Variants in PLCB1 observed in about 807,000 individuals in gnomAD.
PLCB1 encodes the protein 1-phosphatidylinositol 4,5-bisphosphate phosphodiesterase beta-1.
PLCB1 carries 46 observed loss-of-function variants against 161.8 expected under a neutral mutation model. The observed-to-expected ratio is 0.28, with a 90% CI of 0.22 to 0.36. The LOEUF (loss-of-function observed/expected upper bound fraction) is 0.36, where lower values mean the gene tolerates loss of function less well. Among genes scored for constraint, PLCB1 ranks in the 10% least tolerant of loss-of-function variants. The pLI is 1.00. For missense variants in PLCB1, 1,016 were observed against 1,472.5 expected, an observed-to-expected ratio of 0.69 and a Z score of 5.07; for synonymous variants, 517 against 503.7, an observed-to-expected ratio of 1.03 and a Z score of -0.35.
chr20:8,697,041 A>AT (rs11385299), intron 10 of PLCB1, among the ~76,000 whole-genome samples: 12,184 of 151,666 alleles, frequency 0.08, 595 homozygotes, highest in African/African-American at 0.13. Flanking sequence ...CCTTAAATTT[A>AT]TTTTTTTTTA....
intron 2 of PLCB1, among the ~76,000 whole-genome samples, chr20:8,184,769 T>TTTA (rs57793768): frequency 0.22 from 31,419 of 141,426 alleles, 3,603 homozygotes; most frequent in Non-Finnish European, 0.25. Flanking sequence ...TGGCAATACC[T>TTTA]TTATTATTAT....
At chr20:8,486,875 A>G (rs577093916) in intron 3 of PLCB1, among the ~76,000 whole-genome samples, 8 of 152,158 alleles carry the variant, frequency 5.3e-5, no homozygotes, top group Non-Finnish European at 1.2e-4. Flanking sequence ...GACATTATCT[A>G]TCAAAGAGGC....
chr20:8,158,717 G>A (rs1052328302), intron 2 of PLCB1, among the ~76,000 whole-genome samples: 13 of 152,160 alleles, frequency 8.5e-5, no homozygotes, highest in African/African-American at 3.1e-4. Context: ...GGTAAATAGA[G>A]CCATTCCAAA....
At position 8,145,152 on chromosome 20, in the gene PLCB1, G is replaced by T. The variant is rs537697343; in HGVS notation, c.100-5142G>T. ...GAGGAAGTGGGAGATAAAGGTGTCA[G>T]CAGGGTTGCTTCCTGCTGAGGGCCG... On this transcript the variant is annotated intron_variant, in intron 1 of 31. Coordinates refer to ENST00000338037, the MANE Select transcript of PLCB1 (RefSeq NM_015192.4). Among the ~76,000 whole-genome samples, 3 of 152,300 alleles carry T rather than the reference G, an allele frequency of 2.0e-5. No individual in the cohort carries two copies. In the East Asian group the frequency reaches 5.8e-4, roughly 29 times the overall value.
chr20:8,414,140 CAA>C (rs60727694), intron 3 of PLCB1, among the ~76,000 whole-genome samples: 1 of 141,586 alleles, frequency 7.1e-6, no homozygotes. Context: ...ACTATCAAGA[CAA>C]AAAAAAAAGA....
intron 3 of PLCB1, among the ~76,000 whole-genome samples, chr20:8,436,154 G>A (rs1301562403): frequency 6.6e-6 from 1 of 152,028 alleles, no homozygotes; most frequent in Non-Finnish European, 1.5e-5. Context: ...GCCTGGCCAT[G>A]ACGAAACCTG....
intron 1 of PLCB1, among the ~76,000 whole-genome samples, chr20:8,150,071 T>C (rs2051494422): frequency 6.6e-6 from 1 of 152,112 alleles, no homozygotes; most frequent in South Asian, 2.1e-4. Flanking sequence ...TGCTTTTTCC[T>C]TTACAAGTTA....
chr20:8,278,405 G>T (rs1407658610), intron 2 of PLCB1, among the ~76,000 whole-genome samples: 1 of 144,510 alleles, frequency 6.9e-6, no homozygotes, highest in Non-Finnish European at 1.5e-5. Flanking sequence ...AAACAACTTT[G>T]CAGACACACA....
At chr20:8,630,223 A>G (rs1350248587) in intron 4 of PLCB1, among the ~76,000 whole-genome samples, 4 of 151,632 alleles carry the variant, frequency 2.6e-5, no homozygotes, top group African/African-American at 9.7e-5. Context: ...AATAGCTGGG[A>G]CTACAGGCGC....
chr20:8,741,408 G>A lies in PLCB1; in HGVS notation c.2414-56G>A. 9 of 1,201,090 alleles carry A rather than the reference G, an allele frequency of 7.5e-6. No individual in the cohort carries two copies. The South Asian group carries it at 1.0e-4, about 13-fold the overall frequency. The allele number at this position is 1,201,090 out of a possible 1,614,324, so 74.4% of individuals were successfully genotyped here. A position where few individuals can be genotyped will look rare whatever the true frequency, so the allele number is the denominator to read the frequency against. ...CAGATAGATGAGTAAGTAGATGAAT[G>A]ATGGATAATCAATACTTCCAGGACC... On this transcript the variant is annotated intron_variant, in intron 22 of 31. Coordinates refer to ENST00000338037, the MANE Select transcript of PLCB1 (RefSeq NM_015192.4).
chr20:8,736,425 G>A (rs936499827), intron 19 of PLCB1, among the ~76,000 whole-genome samples: 2 of 152,104 alleles, frequency 1.3e-5, no homozygotes, highest in African/African-American at 4.8e-5. Context: ...GTGAATACTT[G>A]TTCATTTATT....
chr20:8,682,956 T>G (rs1363434998), intron 9 of PLCB1, among the ~76,000 whole-genome samples: 1 of 152,112 alleles, frequency 6.6e-6, no homozygotes, highest in Non-Finnish European at 1.5e-5. Context: ...GCAATGTCAT[T>G]TATACTAGTG....
intron 22 of PLCB1, among the ~76,000 whole-genome samples, chr20:8,741,225 C>G (rs889069715): frequency 6.6e-6 from 1 of 152,188 alleles, no homozygotes; most frequent in African/African-American, 2.4e-5. Context: ...GAAGTTTCAA[C>G]AGAGTCCTAA....
At chr20:8,518,134 A>T (rs897563215) in intron 3 of PLCB1, among the ~76,000 whole-genome samples, 27 of 152,020 alleles carry the variant, frequency 1.8e-4, no homozygotes, top group African/African-American at 6.3e-4. Flanking sequence ...GTGAGCCAAG[A>T]TCGCACCACT....
At chr20:8,299,531 G>A (rs116038998) in intron 2 of PLCB1, among the ~76,000 whole-genome samples, 180 of 152,146 alleles carry the variant, frequency 1.2e-3, no homozygotes, top group African/African-American at 3.5e-3. Flanking sequence ...CCAAATTCAC[G>A]TCACTGTTTC....
intron 1 of PLCB1, among the ~76,000 whole-genome samples, chr20:8,145,224 C>T (rs2051441701): frequency 1.3e-5 from 2 of 152,110 alleles, no homozygotes; most frequent in Admixed American, 1.3e-4. Context: ...TGGTAGATGG[C>T]CTGCTTCTCC....
intron 2 of PLCB1, among the ~76,000 whole-genome samples, chr20:8,231,662 A>G (rs1158751823): frequency 1.3e-5 from 2 of 152,066 alleles, no homozygotes; most frequent in Admixed American, 6.6e-5. Context: ...CGCATTCCCA[A>G]GTCTAAGCAA....
intron 2 of PLCB1, among the ~76,000 whole-genome samples, chr20:8,308,618 C>CAAAAAAAA (rs71183088): frequency 1.4e-5 from 1 of 73,612 alleles, no homozygotes; most frequent in Non-Finnish European, 2.8e-5. Context: ...TTCCGTATAT[C>CAAAAAAAA]AAAAAAAAAA....
chr20:8,582,803 C>T (rs1281537361), intron 3 of PLCB1, among the ~76,000 whole-genome samples: 1 of 152,080 alleles, frequency 6.6e-6, no homozygotes, highest in East Asian at 1.9e-4. Context: ...GCCTGGCCCA[C>T]ATGGTGAGAC....
Sources: gnomAD v4.1 joint callset for allele counts (sites outside exome capture counted in the v4.1 genomes callset) on GRCh38, gnomAD v4.1.1 for gene constraint, MANE v1.5 for transcripts, NCBI Gene and HGNC (gene_info 2026-07-23, HGNC 2026-07-21) for gene names.